The following CACNA1B variants were observed in gnomAD, a reference collection of about 807,000 sequenced individuals.
CACNA1B encodes calcium voltage-gated channel subunit alpha1 B, also known as voltage-dependent N-type calcium channel subunit alpha-1B.
A neutral mutation model predicts 247.2 loss-of-function variants in CACNA1B; 70 were observed. The ratio of observed to expected loss-of-function variants is 0.28; its 90% confidence interval spans 0.23 to 0.35. CACNA1B has a LOEUF of 0.35. CACNA1B is among the 10% of genes least tolerant of loss of function. CACNA1B has a pLI of 1.00. For missense variants in CACNA1B, 2,367 were observed against 3,197.4 expected (o/e 0.74, Z 6.26); for synonymous variants, 1,231 against 1,294.4 (o/e 0.95, Z 1.05).
At chr9:137,998,950 G>T (rs1468022114) in intron 15 of CACNA1B, among the ~76,000 whole-genome samples, 2 of 152,174 alleles carry the variant, frequency 1.3e-5, no homozygotes, top group African/African-American at 4.8e-5. Flanking sequence ...ATTATTTGGG[G>T]CACTTGGAAC....
chr9:138,075,994 C>T, intron 35 of CACNA1B, 84 bp downstream of exon 35: 3 of 873,560 alleles, frequency 3.4e-6, no homozygotes, highest in South Asian at 1.5e-5. Context: ...TGGGTGTCAA[C>T]CGTGGAGACC....
At chr9:138,038,175 A>G (rs1959069876) in intron 20 of CACNA1B, among the ~76,000 whole-genome samples, 1 of 152,216 alleles carries the variant, frequency 6.6e-6, no homozygotes, top group Non-Finnish European at 1.5e-5. Context: ...TGTTTGACGT[A>G]TTTCAGTTCT....
chr9:137,918,524 G>A (rs1481877133), intron 6 of CACNA1B, among the ~76,000 whole-genome samples: 2 of 152,082 alleles, frequency 1.3e-5, no homozygotes, highest in African/African-American at 4.8e-5. Flanking sequence ...GGAGGGGGCC[G>A]GAGTGCAAGG....
chr9:138,084,001 A>C (rs1376216656), intron 36 of CACNA1B, among the ~76,000 whole-genome samples: 1 of 150,712 alleles, frequency 6.6e-6, no homozygotes, highest in African/African-American at 2.5e-5. Context: ...CCAACTTCTC[A>C]GGCCCAAAAC....
At chr9:138,031,138 G>A (rs949437653) in intron 20 of CACNA1B, among the ~76,000 whole-genome samples, 1 of 151,988 alleles carries the variant, frequency 6.6e-6, no homozygotes, top group Non-Finnish European at 1.5e-5. Flanking sequence ...AGCTTAGATT[G>A]TTGATTTGAG....
At chr9:138,112,150 G>A (rs992303995) in intron 39 of CACNA1B, among the ~76,000 whole-genome samples, 2 of 125,152 alleles carry the variant, frequency 1.6e-5, no homozygotes, top group Non-Finnish European at 3.7e-5. Context: ...GGACACACAC[G>A]TGTGCACATG....
intron 42 of CACNA1B, among the ~76,000 whole-genome samples, chr9:138,117,381 C>T (rs1338625707): frequency 2.6e-5 from 4 of 152,060 alleles, no homozygotes; most frequent in Admixed American, 6.6e-5. Flanking sequence ...CCGGGCGAGG[C>T]CCCCTACCCC....
intron 36 of CACNA1B, among the ~76,000 whole-genome samples, chr9:138,088,635 G>A (rs1356926349): frequency 1.2e-4 from 18 of 151,882 alleles, no homozygotes; most frequent in Non-Finnish European, 1.5e-5. Flanking sequence ...ACCAATTACT[G>A]TAATGAGATT....
chr9:137,916,137 A>G (rs1957408285), intron 5 of CACNA1B, among the ~76,000 whole-genome samples: 1 of 151,028 alleles, frequency 6.6e-6, no homozygotes, highest in African/African-American at 2.4e-5. Flanking sequence ...GGTTCTAGCA[A>G]TTCTCCTGCC....
Position 137,879,195 on chromosome 9 carries a change from G to T in CACNA1B, c.390+36G>T, listed in dbSNP as rs776589558. The T allele has an allele frequency of 2.2e-6, 3 of 1,358,044 alleles. No individual in the cohort carries two copies. The African/African-American group carries it at 4.3e-5, about 19-fold the overall frequency. The allele number at this position is 1,358,044 out of a possible 1,614,324, so 84.1% of individuals were successfully genotyped here. On this transcript the variant is annotated intron_variant, in intron 2 of 46. Transcript: ENST00000371372. Reference sequence around the variant, plus strand: ...GGCTGGGCCTGAGGGCAGGGTGGTGGGGAGGCCGCGACTCCACTTTCCTTT... The same window carrying T: ...GGCTGGGCCTGAGGGCAGGGTGGTGTGGAGGCCGCGACTCCACTTTCCTTT...
rs1172605327 is a variant in CACNA1B at position 138,014,340 on chromosome 9, C to T, written c.2267+1105C>T. Among the ~76,000 whole-genome samples, 6 of 152,118 alleles carry T rather than the reference C, an allele frequency of 3.9e-5. No homozygotes were observed. Among genetic ancestry groups the T allele is most frequent in the East Asian group, 1.9e-4 (1 of 5,168 alleles). ...GAGGGCACCAGGAAGATGGTGTTTG[C>T]GGAGGGCCTGTCTCTAAGCCTAGCA... On this transcript the variant is annotated intron_variant, in intron 18 of 46. Coordinates refer to ENST00000371372, the MANE Select transcript of CACNA1B (RefSeq NM_000718.4). This position sits in a 1 kb window ranked among gnomAD's most constrained non-coding sequence, Gnocchi z 6.2.
chr9:137,968,542 C>T (rs182791937), intron 10 of CACNA1B, among the ~76,000 whole-genome samples: 1 of 152,234 alleles, frequency 6.6e-6, no homozygotes, highest in African/African-American at 2.4e-5. Flanking sequence ...GCTTTAGCCT[C>T]ACGTCACTTT....
chr9:138,015,035 C>T (rs1461662746), intron 18 of CACNA1B, among the ~76,000 whole-genome samples: 2 of 152,170 alleles, frequency 1.3e-5, no homozygotes, highest in African/African-American at 4.8e-5. Flanking sequence ...CTGATTCCTA[C>T]GCGAGGAAAG....
chr9:138,046,892 C>G lies in CACNA1B; in HGVS notation c.3414-12C>G, dbSNP rs937344059. The G allele has an allele frequency of 1.9e-6, 3 of 1,612,496 alleles. No individual in the cohort carries two copies. Among genetic ancestry groups the G allele is most frequent in the Non-Finnish European group, 2.5e-6 (3 of 1,178,898 alleles). ...TGGGGGGCCTTGTGGTGATCCGTGC[C>G]TTCCCTCACAGGCTCCGCCGCTTCT... On this transcript the variant is annotated splice_polypyrimidine_tract_variant and intron_variant, in intron 21 of 46. Coordinates refer to ENST00000371372, the MANE Select transcript of CACNA1B (RefSeq NM_000718.4).
In CACNA1B at chr9:138,025,082, C is replaced by A. The variant is rs769500676; in HGVS notation, c.3196C>A (p.Arg1066Ser). ...EDADNQRNVT[R>S]MGSQPPDPNT... ...TGCAGACAATCAGCGGAACGTCACTCGCATGGGCAGTCAGCCCCCAGACCC... is the reference window on the plus strand; with the variant it reads ...TGCAGACAATCAGCGGAACGTCACTAGCATGGGCAGTCAGCCCCCAGACCC... Residue 1066 changes from arginine to serine, a missense_variant, in exon 20 of 47, where the codon CGC (arginine) becomes AGC (serine). Coordinates refer to ENST00000371372, the MANE Select transcript of CACNA1B (RefSeq NM_000718.4). 6.2e-7 allele frequency: 1 copy of A among 1,613,018 alleles called. No individual in the cohort carries two copies. Among genetic ancestry groups the A allele is most frequent in the South Asian group, 1.1e-5 (1 of 90,778 alleles).
At chr9:138,000,332 T>A (rs1172741966) in intron 15 of CACNA1B, among the ~76,000 whole-genome samples, 1 of 152,012 alleles carries the variant, frequency 6.6e-6, no homozygotes, top group Non-Finnish European at 1.5e-5. Context: ...TCTCCTGACC[T>A]CGTGATCAGC....
At position 138,020,384 on chromosome 9, in the gene CACNA1B, CT is replaced by C. The variant is rs1456119248; in HGVS notation, c.2268-2624del. Among the ~76,000 whole-genome samples, 1 of 152,212 alleles carries C rather than the reference CT, an allele frequency of 6.6e-6. No individual in the cohort carries two copies. Among genetic ancestry groups the C allele is most frequent in the East Asian group, 1.9e-4 (1 of 5,194 alleles). On this transcript the variant is annotated intron_variant, in intron 18 of 46. Coordinates refer to ENST00000371372, the MANE Select transcript of CACNA1B (RefSeq NM_000718.4). This position sits in a 1 kb window ranked among gnomAD's most constrained non-coding sequence, Gnocchi z 4.1. ...CTTAAAGAACCCTTTTAAACCAGGACTTTGCCTGGATTAATCACCAGCCACA... is the reference window on the plus strand; with the variant it reads ...CTTAAAGAACCCTTTTAAACCAGGACTTGCCTGGATTAATCACCAGCCACA...
In CACNA1B at chr9:138,122,032, G is replaced by T; in HGVS notation, c.*33G>T. 1.9e-6 allele frequency: 3 copies of T among 1,556,110 alleles called. No homozygotes were observed. Among genetic ancestry groups the T allele is most frequent in the Non-Finnish European group, 2.6e-6 (3 of 1,153,594 alleles). The stretch of plus-strand genomic sequence containing the variant: ...GTGACCGCTCAGACGCCTGCATGCA[G>T]CAGGCGTGTGTTCCAGTGGATGAGT... On this transcript the variant is annotated 3_prime_UTR_variant, in exon 47 of 47. Transcript: ENST00000371372.
At chr9:137,931,043 T>C (rs764973971) in intron 6 of CACNA1B, among the ~76,000 whole-genome samples, 30 of 152,288 alleles carry the variant, frequency 2.0e-4, no homozygotes, top group Admixed American at 1.3e-3. Context: ...GCCTCACCCT[T>C]CCACACTGAA....
Sources: allele counts gnomAD v4.1 joint callset (sites outside exome capture counted in the v4.1 genomes callset), GRCh38; gene constraint gnomAD v4.1.1; non-coding constraint Gnocchi (gnomAD v3.1); transcripts MANE v1.5; gene names NCBI Gene and HGNC (gene_info 2026-07-23, HGNC 2026-07-21).